The following TUSC3 variants were observed in gnomAD, a reference collection of about 807,000 sequenced individuals.
TUSC3 encodes the protein dolichyl-diphosphooligosaccharide--protein glycosyltransferase subunit TUSC3.
A neutral mutation model predicts 44.8 loss-of-function variants in TUSC3; 45 were observed. That is an observed-to-expected ratio of 1.00 (90% CI 0.79 to 1.29). The LOEUF is 1.29. TUSC3 is among the 50% of genes most tolerant of loss of function. The pLI is 0.00. For synonymous variants in TUSC3, 212 were observed against 152.9 expected (o/e 1.39, Z -2.85); for missense variants, 519 against 437.9 (o/e 1.19, Z -1.65).
the TUSC3 span, among the ~76,000 whole-genome samples, chr8:15,817,324 C>G: frequency 6.9e-6 from 1 of 145,460 alleles, no homozygotes; most frequent in East Asian, 2.0e-4. Context: ...TCTGAACAAC[C>G]AGAGAAGAAA....
chr8:15,441,818 T>C (rs1488442252), intron 1 of TUSC3, among the ~76,000 whole-genome samples: 4 of 152,134 alleles, frequency 2.6e-5, no homozygotes, highest in South Asian at 2.1e-4. Flanking sequence ...TGGGATGATA[T>C]AGAGCTTTTT....
At chr8:15,733,354 T>G (rs1171224309) in intron 7 of TUSC3, 1 of 404,884 alleles carries the variant, frequency 2.5e-6, no homozygotes, top group South Asian at 1.8e-5. Context: ...TCTTTTTGTT[T>G]TTTTTTTTTT....
At chr8:15,656,286 G>C (rs774276312) in intron 3 of TUSC3, among the ~76,000 whole-genome samples, 1 of 152,042 alleles carries the variant, frequency 6.6e-6, no homozygotes, top group Admixed American at 6.5e-5. Flanking sequence ...AACAAAATCA[G>C]ATATAGATGA....
the TUSC3 span, among the ~76,000 whole-genome samples, chr8:15,779,699 C>A: frequency 6.6e-6 from 1 of 152,026 alleles, no homozygotes. Flanking sequence ...TTTTTAATTG[C>A]GTGTTTTTAA....
intron 10 of TUSC3, among the ~76,000 whole-genome samples, chr8:15,759,756 G>A (rs185327543): frequency 4.6e-5 from 7 of 152,066 alleles, no homozygotes; most frequent in Admixed American, 4.6e-4. Context: ...ACATTATCAA[G>A]TCCTGACCTT....
intron 1 of TUSC3, among the ~76,000 whole-genome samples, chr8:15,475,325 G>C (rs1490360483): frequency 6.6e-6 from 1 of 152,294 alleles, no homozygotes; most frequent in African/African-American, 2.4e-5. Flanking sequence ...CTCAGGGATA[G>C]TGTTAATTTT....
intron 2 of TUSC3, 113 bp downstream of exon 2, chr8:15,623,362 A>C: frequency 9.2e-7 from 1 of 1,091,190 alleles, no homozygotes; most frequent in Non-Finnish European, 1.2e-6. Context: ...TAATAGTCAA[A>C]TATAACTGTG....
intron 9 of TUSC3, among the ~76,000 whole-genome samples, chr8:15,750,289 A>C (rs1329695184): frequency 1.3e-5 from 2 of 152,018 alleles, no homozygotes; most frequent in Non-Finnish European, 2.9e-5. Context: ...GAGATTCTTA[A>C]GCCCTATTTA....
At chr8:15,602,471 A>G (rs1428732617) in intron 1 of TUSC3, among the ~76,000 whole-genome samples, 1 of 151,554 alleles carries the variant, frequency 6.6e-6, no homozygotes, top group Admixed American at 6.6e-5. Flanking sequence ...TGTAAAAAGT[A>G]TTGTGTTTAT....
At chr8:15,520,985 TTGGGAC>T (rs1801289689) in intron 2 of TUSC3, among the ~76,000 whole-genome samples, 1 of 152,180 alleles carries the variant, frequency 6.6e-6, no homozygotes, top group Non-Finnish European at 1.5e-5. Context: ...CAAGAAAAGC[TTGGGAC>T]TGTACCACTC....
At chr8:15,607,252 A>G (rs1224136930) in intron 1 of TUSC3, among the ~76,000 whole-genome samples, 1 of 152,080 alleles carries the variant, frequency 6.6e-6, no homozygotes. Flanking sequence ...TTACACAAAT[A>G]TTTATTTAAT....
chr8:15,516,415 A>T (rs1435456276), intron 2 of TUSC3, among the ~76,000 whole-genome samples: 1 of 152,206 alleles, frequency 6.6e-6, no homozygotes, highest in Non-Finnish European at 1.5e-5. Context: ...GCGTTATTCA[A>T]TTACCAAGCA....
chr8:15,656,742 G>A (rs777284296), intron 3 of TUSC3, among the ~76,000 whole-genome samples: 1 of 152,220 alleles, frequency 6.6e-6, no homozygotes, highest in African/African-American at 2.4e-5. Context: ...GATCCACTAA[G>A]GGGGATTCTT....
At chr8:15,820,956 T>A in the TUSC3 span, among the ~76,000 whole-genome samples, 1 of 152,202 alleles carries the variant, frequency 6.6e-6, no homozygotes, top group African/African-American at 2.4e-5. Flanking sequence ...GAGTTTTAGG[T>A]GTGCCCAGCT....
At chr8:15,616,901 C>G (rs1017215539) in intron 1 of TUSC3, among the ~76,000 whole-genome samples, 7 of 152,120 alleles carry the variant, frequency 4.6e-5, no homozygotes, top group African/African-American at 1.7e-4. Context: ...GCAGTTGGCA[C>G]AGAATCTGGG....
intron 1 of TUSC3, among the ~76,000 whole-genome samples, chr8:15,443,122 T>C (rs752874262): frequency 8.5e-5 from 13 of 152,276 alleles, no homozygotes; most frequent in South Asian, 4.1e-4. Context: ...TGTAGTAGTT[T>C]AAATAAAATC....
intron 6 of TUSC3, among the ~76,000 whole-genome samples, chr8:15,679,653 C>T (rs768749320): frequency 7.2e-5 from 11 of 152,124 alleles, no homozygotes; most frequent in Non-Finnish European, 1.2e-4. Flanking sequence ...AAGACTTAGT[C>T]ATAAAATGTT....
chr8:15,663,568 A>G (rs1807521740), intron 5 of TUSC3, among the ~76,000 whole-genome samples: 1 of 151,978 alleles, frequency 6.6e-6, no homozygotes, highest in African/African-American at 2.4e-5. Context: ...TTAGAAATTC[A>G]GACAGAACCT....
intron 5 of TUSC3, among the ~76,000 whole-genome samples, chr8:15,669,507 A>G (rs73195195): frequency 1.3e-5 from 2 of 151,934 alleles, no homozygotes; most frequent in Admixed American, 6.6e-5. Context: ...AAAATTACAG[A>G]CAGTAATAAA....
Sources: allele counts gnomAD v4.1 joint callset (sites outside exome capture counted in the v4.1 genomes callset), GRCh38; gene constraint gnomAD v4.1.1; transcripts MANE v1.5; gene names NCBI Gene and HGNC (gene_info 2026-07-23, HGNC 2026-07-21).